Variants in UBTD2 observed in about 807,000 individuals in gnomAD.
UBTD2 encodes ubiquitin domain-containing protein 2.
Under a neutral mutation model 19.8 loss-of-function variants are expected in UBTD2, and 9 were observed. The ratio of observed to expected loss-of-function variants is 0.46; its 90% confidence interval spans 0.27 to 0.79. The LOEUF is 0.79. UBTD2 is among the 30% of genes least tolerant of loss of function. UBTD2 has a pLI of 0.14. For synonymous variants in UBTD2, 98 were observed against 103.9 expected (o/e 0.94, Z 0.35); for missense variants, 250 against 300.4 (o/e 0.83, Z 1.24).
At chr5:172,268,583 C>T (rs1327830461) in intron 1 of UBTD2, among the ~76,000 whole-genome samples, 1 of 152,028 alleles carries the variant, frequency 6.6e-6, no homozygotes, top group Non-Finnish European at 1.5e-5. Context: ...CCCGTCTCCA[C>T]CAAAAAATAG....
chr5:172,244,750 C>T (rs13169212), intron 1 of UBTD2, among the ~76,000 whole-genome samples: 11,298 of 151,982 alleles, frequency 0.074, 454 homozygotes, highest in South Asian at 0.12. Flanking sequence ...TTTTTTGAGA[C>T]GAAGTCTTGC....
intron 2 of UBTD2, among the ~76,000 whole-genome samples, chr5:172,225,124 T>A (rs1319907954): frequency 6.6e-6 from 1 of 151,994 alleles, no homozygotes; most frequent in East Asian, 1.9e-4. Flanking sequence ...GTTGGCTTCA[T>A]GTCCTAGCAG....
At chr5:172,281,462 C>A (rs1755716009) in intron 1 of UBTD2, among the ~76,000 whole-genome samples, 1 of 152,142 alleles carries the variant, frequency 6.6e-6, no homozygotes, top group Non-Finnish European at 1.5e-5. Flanking sequence ...TCTGGCACTG[C>A]ACTCCAGCTT....
chr5:172,240,930 A>G (rs1772113781), intron 1 of UBTD2, among the ~76,000 whole-genome samples: 1 of 152,176 alleles, frequency 6.6e-6, no homozygotes. Flanking sequence ...TATCATAAAT[A>G]CATATATATA....
chr5:172,260,068 C>T (rs1490416259), intron 1 of UBTD2, among the ~76,000 whole-genome samples: 3 of 148,442 alleles, frequency 2.0e-5, no homozygotes, highest in Admixed American at 6.8e-5. Flanking sequence ...ACCCCCTCCC[C>T]GCCGCACCCC....
intron 1 of UBTD2, among the ~76,000 whole-genome samples, chr5:172,240,145 A>T (rs1350736304): frequency 6.6e-6 from 1 of 152,354 alleles, no homozygotes; most frequent in Non-Finnish European, 1.5e-5. Context: ...GAGAAGCAGC[A>T]GCTCCCTAGC....
intron 2 of UBTD2, among the ~76,000 whole-genome samples, chr5:172,233,120 A>AAGAG (rs999610732): frequency 9.9e-5 from 15 of 152,198 alleles, no homozygotes; most frequent in Admixed American, 4.6e-4. Context: ...TGTCTCAAAA[A>AAGAG]AGAGAGAGAG....
At chr5:172,250,064 A>G (rs1754963347) in intron 1 of UBTD2, among the ~76,000 whole-genome samples, 1 of 152,016 alleles carries the variant, frequency 6.6e-6, no homozygotes, top group Non-Finnish European at 1.5e-5. Context: ...CTCTACTAAA[A>G]ATACAAACAT....
chr5:172,280,881 T>G (rs1484772867), intron 1 of UBTD2, among the ~76,000 whole-genome samples: 1 of 152,186 alleles, frequency 6.6e-6, no homozygotes, highest in African/African-American at 2.4e-5. Context: ...AAGGAAGGTT[T>G]TATTGATATA....
chr5:172,267,502 G>C (rs1755400373), intron 1 of UBTD2, among the ~76,000 whole-genome samples: 1 of 152,198 alleles, frequency 6.6e-6, no homozygotes, highest in Non-Finnish European at 1.5e-5. Context: ...GTCACAGCAA[G>C]CTCAGATGCA....
intron 2 of UBTD2, among the ~76,000 whole-genome samples, chr5:172,229,894 A>G (rs1581214517): frequency 6.6e-6 from 1 of 152,152 alleles, no homozygotes; most frequent in South Asian, 2.1e-4. Flanking sequence ...ACCTGGTTTC[A>G]CTGGTAAACT....
At chr5:172,235,857 T>G (rs1771998429) in intron 1 of UBTD2, among the ~76,000 whole-genome samples, 1 of 150,790 alleles carries the variant, frequency 6.6e-6, no homozygotes, top group Non-Finnish European at 1.5e-5. Flanking sequence ...ATAAGAAGAG[T>G]GTTGGAAAAG....
rs941350675 is a variant in UBTD2, at chr5:172,210,573, G to C, written c.*1257C>G. The C allele has an allele frequency of 2.0e-5, 3 of 152,124 alleles. No homozygotes were observed. Among genetic ancestry groups the C allele is most frequent in the African/African-American group, 7.2e-5 (3 of 41,416 alleles). The allele number at this position is 152,124 out of a possible 1,614,324, so 9.4% of individuals were successfully genotyped here. A position where few individuals can be genotyped will look rare whatever the true frequency, so the allele number is the denominator to read the frequency against. ...ATTTTTCAGTCCCCTAATCTAACTTGCAAAAGGCTCTTAATTTGCTTCTTT... is the reference window on the plus strand; with the variant it reads ...ATTTTTCAGTCCCCTAATCTAACTTCCAAAAGGCTCTTAATTTGCTTCTTT... On this transcript the variant is annotated 3_prime_UTR_variant, in exon 3 of 3. Transcript: ENST00000393792.
At chr5:172,278,462 C>T (rs997368585) in intron 1 of UBTD2, among the ~76,000 whole-genome samples, 2 of 150,006 alleles carry the variant, frequency 1.3e-5, no homozygotes, top group African/African-American at 2.5e-5. Flanking sequence ...GAGGTTGCAG[C>T]GAGCTGAGAT....
At chr5:172,227,891 G>A (rs1771803542) in intron 2 of UBTD2, among the ~76,000 whole-genome samples, 1 of 151,744 alleles carries the variant, frequency 6.6e-6, no homozygotes. Context: ...ATGTTGGCTA[G>A]GCTGGTCTCT....
intron 1 of UBTD2, among the ~76,000 whole-genome samples, chr5:172,268,293 T>C (rs899738184): frequency 2.6e-5 from 4 of 151,976 alleles, no homozygotes; most frequent in African/African-American, 9.7e-5. Context: ...TGGTCAATAA[T>C]GAAAGATTAT....
At chr5:172,234,920 A>T (rs1561854786) in intron 1 of UBTD2, among the ~76,000 whole-genome samples, 1 of 142,380 alleles carries the variant, frequency 7.0e-6, no homozygotes, top group Non-Finnish European at 1.5e-5. Flanking sequence ...AAAACAAAAC[A>T]AAACTAAAGA....
intron 1 of UBTD2, among the ~76,000 whole-genome samples, chr5:172,245,150 A>AT (rs762163560): frequency 1.4e-4 from 22 of 152,110 alleles, no homozygotes; most frequent in Middle Eastern, 3.4e-3. Flanking sequence ...TGAGGAAAAT[A>AT]TTTTTTTCTC....
At chr5:172,236,997 G>T (rs1433939185) in intron 1 of UBTD2, among the ~76,000 whole-genome samples, 1 of 152,164 alleles carries the variant, frequency 6.6e-6, no homozygotes, top group African/African-American at 2.4e-5. Context: ...CTCTCCGTTT[G>T]TACTAAGCAT....
Sources: gnomAD v4.1 joint callset for allele counts (sites outside exome capture counted in the v4.1 genomes callset) on GRCh38, gnomAD v4.1.1 for gene constraint, MANE v1.5 for transcripts, NCBI Gene and HGNC (gene_info 2026-07-23, HGNC 2026-07-21) for gene names.